ZC3H12D: variants seen among roughly 807,000 people sequenced by gnomAD.
ZC3H12D encodes the protein zinc finger CCCH-type containing 12D.
ZC3H12D carries 11 observed loss-of-function variants against 24.2 expected under a neutral mutation model. The observed-to-expected ratio is 0.46, with a 90% CI of 0.29 to 0.75. The LOEUF is 0.75. Ranked by LOEUF, ZC3H12D falls within the 30% of genes least tolerant of loss-of-function variation. The pLI is 0.11. For synonymous variants in ZC3H12D, 333 were observed against 341.8 expected, an observed-to-expected ratio of 0.97 and a Z score of 0.28; for missense variants, 740 against 767.7, an observed-to-expected ratio of 0.96 and a Z score of 0.43.
chr6:149,467,265 A>G (rs551954523), intron 2 of ZC3H12D, among the ~76,000 whole-genome samples: 354 of 149,996 alleles, frequency 2.4e-3, no homozygotes, highest in Middle Eastern at 0.014. Context: ...TTTTTTTTTT[A>G]TTTAAGAAAT....
intron 4 of ZC3H12D, among the ~76,000 whole-genome samples, chr6:149,454,574 C>A (rs1775950711): frequency 6.6e-6 from 1 of 152,246 alleles, no homozygotes; most frequent in East Asian, 1.9e-4. Flanking sequence ...CTCCTGCTCT[C>A]TCAGGAGCAG....
intron 1 of ZC3H12D, among the ~76,000 whole-genome samples, chr6:149,476,515 A>T (rs541535015): frequency 6.6e-6 from 1 of 152,184 alleles, no homozygotes; most frequent in South Asian, 2.1e-4. Flanking sequence ...CAAAAAAAAA[A>T]ATGCATTTTT....
intron 4 of ZC3H12D, among the ~76,000 whole-genome samples, chr6:149,453,336 A>G (rs888157002): frequency 2.6e-5 from 4 of 151,670 alleles, no homozygotes; most frequent in Non-Finnish European, 4.4e-5. Context: ...GCTTCGCGCA[A>G]GACCTGCTTC....
chr6:149,481,479 G>T (rs143151342), intron 1 of ZC3H12D, among the ~76,000 whole-genome samples: 1 of 151,220 alleles, frequency 6.6e-6, no homozygotes. Flanking sequence ...ATTATCAACC[G>T]ATTCTCCTGC....
At chr6:149,472,854 G>A (rs923739355) in intron 2 of ZC3H12D, among the ~76,000 whole-genome samples, 2 of 152,280 alleles carry the variant, frequency 1.3e-5, no homozygotes, top group Non-Finnish European at 2.9e-5. Flanking sequence ...CAGGGAAAGA[G>A]GTTCCTTGCT....
chr6:149,459,692 G>GAAGCT lies in ZC3H12D; in HGVS notation c.445+2134_445+2138dup, dbSNP rs773795313. 12 of 717,908 alleles carry GAAGCT rather than the reference G, an allele frequency of 1.7e-5. No individual in the cohort carries two copies. The South Asian group carries it at 1.8e-4, about 11-fold the overall frequency. 44.5% of individuals were successfully genotyped at this position (717,908 alleles called of 1,614,324 possible). A position where few individuals can be genotyped will look rare whatever the true frequency, so the allele number is the denominator to read the frequency against. On this transcript the variant is annotated intron_variant, in intron 3 of 5. Transcript: ENST00000409806. The stretch of plus-strand genomic sequence containing the variant: ...CCATCCCTATCCCTATAAAGAAAGT[G>GAAGCT]AAGCTACAACTAGGAAGGAAGAAGC...
chr6:149,481,116 C>T (rs1000214336), intron 1 of ZC3H12D, among the ~76,000 whole-genome samples: 1 of 151,810 alleles, frequency 6.6e-6, no homozygotes, highest in African/African-American at 2.4e-5. Context: ...TCAGGCTCTT[C>T]GCTCACCCAG....
Position 149,451,155 on chromosome 6 carries a change from G to C in ZC3H12D, c.1112C>G (p.Pro371Arg). 7.5e-7 allele frequency: 1 copy of C among 1,330,254 alleles called. No homozygotes were observed. The highest frequency in any genetic ancestry group is 9.6e-7 in the Non-Finnish European group (1 of 1,046,204). 82.4% of individuals were successfully genotyped at this position (1,330,254 alleles called of 1,614,324 possible). A position where few individuals can be genotyped will look rare whatever the true frequency, so the allele number is the denominator to read the frequency against. The change falls in exon 6 of 6, where the codon CCC (proline) becomes CGC (arginine). Residue 371 changes from proline to arginine, a missense_variant. By Grantham distance (103) the Pro-to-Arg change is moderately radical (BLOSUM62 -2). Coordinates refer to ENST00000409806, the MANE Select transcript of ZC3H12D (RefSeq NM_207360.3). ...PLPVPACSLT[P>R]RLGGPDWVSA... ...CACCCAGTCGGGCCCGCCCAGTCGG[G>C]GCGTGAGGCTGCAGGCGGGGACCGG...
Position 149,465,766 on chromosome 6 carries a change from A to AG in ZC3H12D, c.306-3797dup, listed in dbSNP as rs55719616. Among the ~76,000 whole-genome samples the AG allele has an allele frequency of 2.7e-3, 390 of 143,738 alleles. 3 individuals carry two copies. Among genetic ancestry groups the AG allele is most frequent in the Middle Eastern group, 0.011 (3 of 282 alleles). 94.3% of individuals were successfully genotyped at this position (143,738 alleles called of 152,430 possible). ...CGAGACGCCATCTCAAAAAAAAAAA[A>AG]GGGGGGGGGAAGAGGAAGCAGATCG... On this transcript the variant is annotated intron_variant, in intron 2 of 5. Coordinates refer to ENST00000409806, the MANE Select transcript of ZC3H12D (RefSeq NM_207360.3).
At chr6:149,465,305 G>C (rs1315703438) in intron 2 of ZC3H12D, among the ~76,000 whole-genome samples, 2 of 150,704 alleles carry the variant, frequency 1.3e-5, no homozygotes, top group Non-Finnish European at 2.9e-5. Flanking sequence ...AGTGAGCTGA[G>C]ATCAAGCCAC....
At chr6:149,483,409 G>A (rs1227443648) in intron 1 of ZC3H12D, among the ~76,000 whole-genome samples, 1 of 152,064 alleles carries the variant, frequency 6.6e-6, no homozygotes, top group East Asian at 1.9e-4. Context: ...TCAGACTGCT[G>A]TGCAACCATC....
rs1288843450 is a variant in ZC3H12D at position 149,451,131 on chromosome 6, ACCCAGTCGGGCCCG to A, written c.1122_1135del (p.Gly375ValfsTer14). ...GCCTGGCACCCGGCCGCCCGCGGAC[ACCCAGTCGGGCCCG>A]CCCAGTCGGGGCGTGAGGCTGCAGG... On this transcript the variant is annotated frameshift_variant, in exon 6 of 6. Coordinates refer to ENST00000409806, the MANE Select transcript of ZC3H12D (RefSeq NM_207360.3). LOFTEE classifies it low-confidence loss of function (END_TRUNC). 7.4e-6 allele frequency: 10 copies of A among 1,342,900 alleles called. No homozygotes were observed. In the South Asian group the frequency reaches 1.5e-4, roughly 21 times the overall value. 83.2% of individuals were successfully genotyped at this position (1,342,900 alleles called of 1,614,324 possible).
chr6:149,463,627 C>G (rs939244836), intron 2 of ZC3H12D, among the ~76,000 whole-genome samples: 1 of 152,114 alleles, frequency 6.6e-6, no homozygotes, highest in Non-Finnish European at 1.5e-5. Context: ...GAGAATTGCT[C>G]GAACCTGGGA....
chr6:149,459,550 T>C, intron 3 of ZC3H12D: 1 of 716,898 alleles, frequency 1.4e-6, no homozygotes, highest in Non-Finnish European at 2.6e-6. Context: ...CCTGCAGTCT[T>C]GGAGCACTTC....
In ZC3H12D at chr6:149,452,311, G is replaced by T; in HGVS notation, c.787+305C>A. 1 of 314,454 alleles carries T rather than the reference G, an allele frequency of 3.2e-6. No homozygotes were observed. Among genetic ancestry groups the T allele is most frequent in the Non-Finnish European group, 5.8e-6 (1 of 171,758 alleles). The allele number at this position is 314,454 out of a possible 1,614,324, so 19.5% of individuals were successfully genotyped here. On this transcript the variant is annotated intron_variant, in intron 5 of 5. Coordinates refer to ENST00000409806, the MANE Select transcript of ZC3H12D (RefSeq NM_207360.3). The surrounding 1 kb of genome is among the most constrained non-coding windows in gnomAD (Gnocchi z 4.0). ...GAAGCTGCCAGGGGCCAGGTGAAGG[G>T]ACTGAGACCCGCAGCTGGGTTTGTG...
At chr6:149,451,527 C>A in intron 5 of ZC3H12D, 48 bp from the exon 6 acceptor site, 1 of 1,473,894 alleles carries the variant, frequency 6.8e-7, no homozygotes, top group South Asian at 1.3e-5. Flanking sequence ...CCCGGGGGCG[C>A]GGAGGGGCGG....
rs2114998620 is a variant in ZC3H12D, at chr6:149,447,944, G to C, written c.*2739C>G. The C allele has an allele frequency of 6.6e-6, 1 of 152,282 alleles. No individual in the cohort carries two copies. Among genetic ancestry groups the C allele is most frequent in the African/African-American group, 2.4e-5 (1 of 41,544 alleles). 9.4% of individuals were successfully genotyped at this position (152,282 alleles called of 1,614,324 possible). A position where few individuals can be genotyped will look rare whatever the true frequency, so the allele number is the denominator to read the frequency against. Reference sequence around the variant, plus strand: ...CTACATCAGGAAATCGAACCAGGGAGACAAAAAGCAGCTCTAATAGAAAGC... The same window carrying C: ...CTACATCAGGAAATCGAACCAGGGACACAAAAAGCAGCTCTAATAGAAAGC... On this transcript the variant is annotated 3_prime_UTR_variant, in exon 6 of 6. Transcript: ENST00000409806.
At chr6:149,466,791 G>A (rs1339057429) in intron 2 of ZC3H12D, among the ~76,000 whole-genome samples, 2 of 152,034 alleles carry the variant, frequency 1.3e-5, no homozygotes, top group Non-Finnish European at 2.9e-5. Flanking sequence ...CAGGAAAATC[G>A]CTTGAACCCG....
In ZC3H12D at chr6:149,451,131, A is replaced by ACCCAGTCGGGCCCG. The variant is rs1288843450; in HGVS notation, c.1122_1135dup (p.Val379AlafsTer124). ...GCCTGGCACCCGGCCGCCCGCGGAC[A>ACCCAGTCGGGCCCG]CCCAGTCGGGCCCGCCCAGTCGGGG... On this transcript the variant is annotated frameshift_variant, in exon 6 of 6. Transcript: ENST00000409806. LOFTEE classifies it low-confidence loss of function (END_TRUNC). 1.5e-6 allele frequency: 2 copies of ACCCAGTCGGGCCCG among 1,342,900 alleles called. No individual in the cohort carries two copies. The highest frequency in any genetic ancestry group is 9.5e-7 in the Non-Finnish European group (1 of 1,052,862). The allele number at this position is 1,342,900 out of a possible 1,614,324, so 83.2% of individuals were successfully genotyped here.
Sources: gnomAD v4.1 joint callset for allele counts (sites outside exome capture counted in the v4.1 genomes callset) on GRCh38, gnomAD v4.1.1 for gene constraint, Gnocchi (gnomAD v3.1) non-coding constraint, MANE v1.5 for transcripts, NCBI Gene and HGNC (gene_info 2026-07-23, HGNC 2026-07-21) for gene names.